Variants in CSMD1 observed in about 807,000 individuals in gnomAD.
CSMD1 encodes the protein CUB and Sushi multiple domains 1.
CSMD1 carries 213 observed loss-of-function variants against 417.5 expected under a neutral mutation model. The observed-to-expected ratio is 0.51, with a 90% confidence interval of 0.46 to 0.57. The LOEUF is 0.57. CSMD1 is among the 20% of genes least tolerant of loss of function. The pLI, the probability that CSMD1 is intolerant of heterozygous loss-of-function variation, is 0.00. For synonymous variants in CSMD1, 2,862 were observed against 1,736.8 expected (o/e 1.65, Z -16.11); for missense variants, 6,923 against 4,529.7 (o/e 1.53, Z -15.17).
At chr8:3,334,761 T>C (rs1400436254) in intron 23 of CSMD1, among the ~76,000 whole-genome samples, 1 of 152,212 alleles carries the variant, frequency 6.6e-6, no homozygotes, top group African/African-American at 2.4e-5. Context: ...TCACATTGAA[T>C]TTGCAGAGTA....
chr8:4,367,782 G>T (rs1333607556), intron 3 of CSMD1, among the ~76,000 whole-genome samples: 3 of 151,934 alleles, frequency 2.0e-5, no homozygotes, highest in Admixed American at 2.0e-4. Flanking sequence ...TTTCATTGTT[G>T]GTAAGTTATA....
chr8:3,876,540 T>G (rs1476250818), intron 5 of CSMD1, among the ~76,000 whole-genome samples: 7 of 152,244 alleles, frequency 4.6e-5, no homozygotes, highest in Admixed American at 3.9e-4. Context: ...TTATTCATAT[T>G]TATTCCTAAA....
At chr8:4,586,645 C>T (rs543475917) in intron 2 of CSMD1, among the ~76,000 whole-genome samples, 1 of 152,116 alleles carries the variant, frequency 6.6e-6, no homozygotes, top group Admixed American at 6.5e-5. Context: ...ATCATAAAAA[C>T]ACAGCACTAA....
chr8:4,805,346 G>A (rs1008625197), intron 1 of CSMD1, among the ~76,000 whole-genome samples: 26 of 152,278 alleles, frequency 1.7e-4, no homozygotes, highest in African/African-American at 5.3e-4. Context: ...AAATTGTGAA[G>A]CACTCTGCCA....
At chr8:4,405,354 T>C (rs553528564) in intron 3 of CSMD1, among the ~76,000 whole-genome samples, 1 of 152,234 alleles carries the variant, frequency 6.6e-6, no homozygotes, top group African/African-American at 2.4e-5. Flanking sequence ...TTCCTAAGAA[T>C]AGAAATGGTT....
chr8:4,022,265 G>C (rs1017744356), intron 4 of CSMD1, among the ~76,000 whole-genome samples: 6 of 150,654 alleles, frequency 4.0e-5, no homozygotes, highest in Non-Finnish European at 8.9e-5. Context: ...CTATTCATTT[G>C]CTTATCTCTT....
intron 1 of CSMD1, among the ~76,000 whole-genome samples, chr8:4,865,805 A>C (rs1160893170): frequency 1.3e-5 from 2 of 151,866 alleles, no homozygotes; most frequent in Non-Finnish European, 2.9e-5. Flanking sequence ...AGTTTTTTAA[A>C]AGGTCCTCCT....
intron 25 of CSMD1, among the ~76,000 whole-genome samples, chr8:3,294,812 G>A (rs1441460032): frequency 2.0e-5 from 3 of 152,088 alleles, no homozygotes; most frequent in Non-Finnish European, 4.4e-5. Context: ...CTCCCGCTTG[G>A]TGGGCTGCAC....
chr8:3,792,976 G>T (rs917846441), intron 5 of CSMD1, among the ~76,000 whole-genome samples: 1 of 152,116 alleles, frequency 6.6e-6, no homozygotes, highest in African/African-American at 2.4e-5. Flanking sequence ...TCACCGTCTA[G>T]AACCATCCAC....
chr8:4,174,612 A>C (rs1027337785), intron 3 of CSMD1, among the ~76,000 whole-genome samples: 29 of 149,236 alleles, frequency 1.9e-4, no homozygotes, highest in Non-Finnish European at 1.5e-5. Context: ...CTCTTTTATA[A>C]TAATTAAAAC....
At chr8:3,273,438 T>C (rs1447867473) in intron 26 of CSMD1, among the ~76,000 whole-genome samples, 1 of 152,092 alleles carries the variant, frequency 6.6e-6, no homozygotes, top group Non-Finnish European at 1.5e-5. Context: ...AGGATGATGC[T>C]GGCCTCATAA....
At chr8:4,223,337 C>A (rs1435720291) in intron 3 of CSMD1, among the ~76,000 whole-genome samples, 2 of 152,226 alleles carry the variant, frequency 1.3e-5, no homozygotes, top group South Asian at 2.1e-4. Context: ...ACTGTTGTCT[C>A]AGAACAATTT....
At chr8:4,585,328 G>A (rs996559598) in intron 2 of CSMD1, among the ~76,000 whole-genome samples, 6 of 152,120 alleles carry the variant, frequency 3.9e-5, no homozygotes, top group Admixed American at 1.3e-4. Context: ...AGCAGATTAG[G>A]CAAAGTTGAA....
chr8:3,752,441 G>C (rs1411428790), intron 6 of CSMD1, among the ~76,000 whole-genome samples: 3 of 152,004 alleles, frequency 2.0e-5, no homozygotes, highest in South Asian at 2.1e-4. Context: ...GATCATCTGA[G>C]GTCAGGAGTT....
At chr8:4,069,497 C>T (rs570786369) in intron 3 of CSMD1, among the ~76,000 whole-genome samples, 5 of 152,288 alleles carry the variant, frequency 3.3e-5, no homozygotes, top group African/African-American at 9.6e-5. Flanking sequence ...AATGTGCAGA[C>T]AGCCTGACAT....
At chr8:3,788,343 G>A (rs1031805206) in intron 5 of CSMD1, among the ~76,000 whole-genome samples, 1 of 152,158 alleles carries the variant, frequency 6.6e-6, no homozygotes, top group African/African-American at 2.4e-5. Context: ...TAGGTACCCT[G>A]AGGTGTGCAG....
At chr8:3,602,858 A>G (rs76488867) in intron 8 of CSMD1, among the ~76,000 whole-genome samples, 5,640 of 152,220 alleles carry the variant, frequency 0.037, 202 homozygotes, top group African/African-American at 0.083. Context: ...TAATTCATCA[A>G]CTATGTTTTG....
intron 1 of CSMD1, among the ~76,000 whole-genome samples, chr8:4,805,281 T>C (rs539568228): frequency 1.3e-5 from 2 of 152,354 alleles, no homozygotes; most frequent in African/African-American, 4.8e-5. Context: ...ATTTAGTATA[T>C]CTTTTTATTC....
intron 3 of CSMD1, among the ~76,000 whole-genome samples, chr8:4,372,799 G>A (rs1174638448): frequency 1.3e-5 from 2 of 151,788 alleles, no homozygotes; most frequent in African/African-American, 2.4e-5. Flanking sequence ...ATATACTTGA[G>A]TGCATACTGA....
Sources: allele counts gnomAD v4.1 joint callset (sites outside exome capture counted in the v4.1 genomes callset), GRCh38; gene constraint gnomAD v4.1.1; transcripts MANE v1.5; gene names NCBI Gene and HGNC (gene_info 2026-07-23, HGNC 2026-07-21).